Variants in FTCDNL1 observed in about 807,000 individuals in gnomAD.
FTCDNL1 encodes the protein formiminotransferase N-terminal subdomain-containing protein.
FTCDNL1 carries 11 observed loss-of-function variants against 5.9 expected under a neutral mutation model. That is an observed-to-expected ratio of 1.87 (90% CI 1.18 to 3.10). FTCDNL1 has a LOEUF of 3.10. FTCDNL1 is among the 30% of genes most tolerant of loss of function. FTCDNL1 has a pLI of 0.00. For synonymous variants in FTCDNL1, 58 were observed against 24.8 expected (o/e 2.34, Z -3.99); for missense variants, 115 against 65.5 (o/e 1.76, Z -2.61).
At chr2:199,689,444 T>C in the FTCDNL1 span, among the ~76,000 whole-genome samples, 1 of 152,148 alleles carries the variant, frequency 6.6e-6, no homozygotes, top group African/African-American at 2.4e-5. Context: ...ATGGGTCTTA[T>C]CACCCAACAC....
At chr2:199,835,788 T>TA (rs1323170738) in intron 3 of FTCDNL1, among the ~76,000 whole-genome samples, 3 of 152,222 alleles carry the variant, frequency 2.0e-5, no homozygotes, top group Non-Finnish European at 4.4e-5. Context: ...CCACAATCTC[T>TA]AAAACACTAT....
rs1221719502 is a variant in FTCDNL1 at position 199,842,914 on chromosome 2, T to C, written c.211+3161A>G. 2.2e-5 allele frequency among the ~76,000 whole-genome samples: 3 copies of C among 136,976 alleles called. No individual in the cohort carries two copies. In the South Asian group the frequency reaches 6.9e-4, roughly 31 times the overall value. 89.9% of individuals were successfully genotyped at this position (136,976 alleles called of 152,430 possible). On this transcript the variant is annotated intron_variant, in intron 3 of 4. Coordinates refer to ENST00000420128, the MANE Select transcript of FTCDNL1 (RefSeq NM_001363886.2). ...CTAGAATGCGAATACTTCTGCCTCA[T>C]AAGAATGCCTGAGCATGCTGTTACA...
intron 3 of FTCDNL1, among the ~76,000 whole-genome samples, chr2:199,786,235 G>A (rs1699640862): frequency 6.6e-6 from 1 of 150,960 alleles, no homozygotes; most frequent in Non-Finnish European, 1.5e-5. Context: ...GAACAGTCTG[G>A]GCTACCTCCA....
In FTCDNL1 at chr2:199,812,167, C is replaced by T. The variant is rs774288102; in HGVS notation, c.*538G>A. Among the ~76,000 whole-genome samples, 9 of 152,048 alleles carry T rather than the reference C, an allele frequency of 5.9e-5. No individual in the cohort carries two copies. Among genetic ancestry groups the T allele is most frequent in the Admixed American group, 5.9e-4 (9 of 15,262 alleles). On this transcript the variant is annotated 3_prime_UTR_variant, in exon 5 of 5. Coordinates refer to ENST00000420128, the MANE Select transcript of FTCDNL1 (RefSeq NM_001363886.2). ...ATTTCTTATTCAAGTAGTGATAAAA[C>T]GGAGACAATTAATGAATCTGAGATG...
At chr2:199,704,431 G>C in the FTCDNL1 span, among the ~76,000 whole-genome samples, 2 of 152,088 alleles carry the variant, frequency 1.3e-5, no homozygotes, top group Non-Finnish European at 2.9e-5. Context: ...GGAAGACTGG[G>C]GGGAAGAGGG....
downstream of FTCDNL1, among the ~76,000 whole-genome samples, chr2:199,808,143 G>A (rs1230112446): frequency 6.6e-6 from 1 of 152,052 alleles, no homozygotes; most frequent in African/African-American, 2.4e-5. Context: ...ATGACTGTAA[G>A]TTTCCTGAGG....
chr2:199,722,485 T>C, the FTCDNL1 span, among the ~76,000 whole-genome samples: 1 of 152,174 alleles, frequency 6.6e-6, no homozygotes, highest in Non-Finnish European at 1.5e-5. Context: ...CATTGGTCTG[T>C]CTGTTTTTGT....
the FTCDNL1 span, among the ~76,000 whole-genome samples, chr2:199,695,177 GA>G: frequency 2.0e-5 from 3 of 152,240 alleles, no homozygotes; most frequent in South Asian, 6.2e-4. Context: ...CTAGTAGAAA[GA>G]ACTTCAAAAT....
the FTCDNL1 span, among the ~76,000 whole-genome samples, chr2:199,752,987 G>A: frequency 6.6e-6 from 1 of 152,108 alleles, no homozygotes; most frequent in East Asian, 1.9e-4. Context: ...TTGACGATAA[G>A]TGCCACAAGT....
chr2:199,844,247 T>G (rs921098426), intron 3 of FTCDNL1: 2 of 403,496 alleles, frequency 5.0e-6, no homozygotes, highest in Admixed American at 8.7e-5. Context: ...AAACACACAG[T>G]GTATTGTTGA....
intron 3 of FTCDNL1, among the ~76,000 whole-genome samples, chr2:199,837,267 C>T (rs1702814270): frequency 6.6e-6 from 1 of 152,216 alleles, no homozygotes; most frequent in Non-Finnish European, 1.5e-5. Flanking sequence ...TCCCAATGCA[C>T]AATCCCTTGT....
At chr2:199,736,026 A>T in the FTCDNL1 span, among the ~76,000 whole-genome samples, 1 of 152,216 alleles carries the variant, frequency 6.6e-6, no homozygotes. Flanking sequence ...AAGTCAGAAT[A>T]GCCTATGCCA....
chr2:199,796,944 G>A lies in FTCDNL1; in HGVS notation c.212-36109C>T, dbSNP rs1447037956. 1.2e-4 allele frequency among the ~76,000 whole-genome samples: 18 copies of A among 152,048 alleles called. 1 individual carries two copies. The highest frequency in any genetic ancestry group is 1.2e-3 in the Admixed American group (18 of 15,250). ...CAACTCTAAACTGTGAGATCCAAAT[G>A]TTGGCAGTCAAAAATCTCTCCTTTG... On this transcript the variant is annotated intron_variant, in intron 3 of 3. Transcript: ENST00000416668.
At chr2:199,820,926 T>C (rs947367383) in intron 3 of FTCDNL1, among the ~76,000 whole-genome samples, 1 of 152,204 alleles carries the variant, frequency 6.6e-6, no homozygotes, top group Non-Finnish European at 1.5e-5. Flanking sequence ...GCCTTCTTTA[T>C]TTGTTCCGTA....
the FTCDNL1 span, among the ~76,000 whole-genome samples, chr2:199,724,286 TTAATC>T: frequency 2.0e-5 from 3 of 152,210 alleles, no homozygotes; most frequent in African/African-American, 7.2e-5. Flanking sequence ...TTCTTTTTTA[TTAATC>T]TAGTTAGTGG....
intron 3 of FTCDNL1, among the ~76,000 whole-genome samples, chr2:199,779,490 G>T (rs1458808344): frequency 6.6e-6 from 1 of 152,152 alleles, no homozygotes; most frequent in Non-Finnish European, 1.5e-5. Context: ...TGGGAACACA[G>T]TGACCTGAAT....
At chr2:199,739,884 G>C in the FTCDNL1 span, among the ~76,000 whole-genome samples, 1 of 152,178 alleles carries the variant, frequency 6.6e-6, no homozygotes, top group Non-Finnish European at 1.5e-5. Context: ...GAGACGTTGT[G>C]TGTAGAAGAA....
chr2:199,672,751 T>G, the FTCDNL1 span, among the ~76,000 whole-genome samples: 2 of 151,950 alleles, frequency 1.3e-5, no homozygotes, highest in East Asian at 3.9e-4. Flanking sequence ...CTCTAGGATA[T>G]CTGGACTTCT....
At chr2:199,833,495 TC>T (rs1269609127) in intron 3 of FTCDNL1, among the ~76,000 whole-genome samples, 8 of 152,212 alleles carry the variant, frequency 5.3e-5, no homozygotes, top group African/African-American at 1.9e-4. Flanking sequence ...TGCTAAAGGT[TC>T]CCCAAAGAGT....
Sources: gnomAD v4.1 joint callset for allele counts (sites outside exome capture counted in the v4.1 genomes callset) on GRCh38, gnomAD v4.1.1 for gene constraint, MANE v1.5 for transcripts, NCBI Gene and HGNC (gene_info 2026-07-23, HGNC 2026-07-21) for gene names.